Variants in CAMK1D observed in about 807,000 individuals in gnomAD.
The protein encoded by CAMK1D is calcium/calmodulin dependent protein kinase ID, also known as calcium/calmodulin-dependent protein kinase type 1D.
In CAMK1D, 9 loss-of-function variants were observed where a neutral mutation model predicts 47.7. The observed-to-expected ratio is 0.19, with a 90% confidence interval of 0.11 to 0.33. The LOEUF is 0.33. Ranked by LOEUF, CAMK1D falls within the 10% of genes least tolerant of loss-of-function variation. The pLI, the probability that CAMK1D is intolerant of heterozygous loss-of-function variation, is 1.00. For synonymous variants in CAMK1D, 184 were observed against 184.9 expected, an observed-to-expected ratio of 0.99 and a Z score of 0.04; for missense variants, 291 against 488.7, an observed-to-expected ratio of 0.60 and a Z score of 3.81.
At position 12,828,971 on chromosome 10, in the gene CAMK1D, C is replaced by A; in HGVS notation, c.*84C>A. 1 of 981,488 alleles carries A rather than the reference C, an allele frequency of 1.0e-6. No homozygotes were observed. Among genetic ancestry groups the A allele is most frequent in the Non-Finnish European group, 1.5e-6 (1 of 673,032 alleles). 60.8% of individuals were successfully genotyped at this position (981,488 alleles called of 1,614,324 possible). On this transcript the variant is annotated 3_prime_UTR_variant, in exon 11 of 11. Coordinates refer to ENST00000619168, the MANE Select transcript of CAMK1D (RefSeq NM_153498.4). ...AGAGCCGCGAGCCACTCCAGCGAGACCCCACCTTGCATGGTGCCCCTTCCT... is the reference window on the plus strand; with the variant it reads ...AGAGCCGCGAGCCACTCCAGCGAGAACCCACCTTGCATGGTGCCCCTTCCT...
chr10:12,692,725 A>C lies in CAMK1D; in HGVS notation c.299+25915A>C, dbSNP rs902914983. ...TTATTTTCATTAAAGTGTTCTTTAC[A>C]AATCAGTAAGGAAAGTATAAGGTAT... On this transcript the variant is annotated intron_variant, in intron 3 of 10. Transcript: ENST00000619168. 3.3e-5 allele frequency among the ~76,000 whole-genome samples: 5 copies of C among 152,348 alleles called. No homozygotes were observed. The East Asian group carries it at 9.6e-4, about 29-fold the overall frequency.
At chr10:12,559,276 C>T (rs1222852666) in intron 2 of CAMK1D, among the ~76,000 whole-genome samples, 2 of 151,918 alleles carry the variant, frequency 1.3e-5, no homozygotes, top group Admixed American at 1.3e-4. Context: ...ACTGAGACAC[C>T]ATCTCTAAAA....
At position 12,816,297 on chromosome 10, in the gene CAMK1D, T is replaced by C; in HGVS notation, c.802T>C (p.Tyr268His). Residue 268 changes from tyrosine to histidine, a missense_variant, in exon 8 of 11, where the codon TAC becomes CAC. By Grantham distance (83) the Tyr-to-His change is moderately conservative. Transcript: ENST00000619168. ...NLMEKDPNKRYTCEQAARHPW... is the reference protein window; with the variant it reads ...NLMEKDPNKRHTCEQAARHPW... Reference sequence around the variant, plus strand: ...GATGGAGAAGGACCCGAATAAAAGATACACGTGTGAGCAGGCAGCTCGGCA... The same window carrying C: ...GATGGAGAAGGACCCGAATAAAAGACACACGTGTGAGCAGGCAGCTCGGCA... 1 of 1,613,880 alleles carries C rather than the reference T, an allele frequency of 6.2e-7. No individual in the cohort carries two copies. Among genetic ancestry groups the C allele is most frequent in the Non-Finnish European group, 8.5e-7 (1 of 1,179,890 alleles).
At chr10:12,510,843 C>T (rs1219102606) in intron 1 of CAMK1D, among the ~76,000 whole-genome samples, 3 of 152,176 alleles carry the variant, frequency 2.0e-5, no homozygotes, top group Non-Finnish European at 2.9e-5. Flanking sequence ...GAATGCAGAT[C>T]GACAAGCCTG....
chr10:12,429,203 G>T (rs116289750), intron 1 of CAMK1D, among the ~76,000 whole-genome samples: 1 of 151,990 alleles, frequency 6.6e-6, no homozygotes, highest in Admixed American at 6.6e-5. Context: ...CCTCACACAC[G>T]TGCTTTCCTC....
At chr10:12,677,528 C>T (rs1264787140) in intron 3 of CAMK1D, among the ~76,000 whole-genome samples, 3 of 152,042 alleles carry the variant, frequency 2.0e-5, no homozygotes, top group Non-Finnish European at 2.9e-5. Flanking sequence ...AGGTTGCTTT[C>T]GTGAGGACAG....
At chr10:12,702,268 G>T (rs959222150) in intron 3 of CAMK1D, among the ~76,000 whole-genome samples, 1 of 152,182 alleles carries the variant, frequency 6.6e-6, no homozygotes, top group Non-Finnish European at 1.5e-5. Flanking sequence ...AAGCTCTGAG[G>T]TCAACCTCGA....
chr10:12,520,095 G>T (rs1207095951), intron 1 of CAMK1D, among the ~76,000 whole-genome samples: 1 of 83,780 alleles, frequency 1.2e-5, no homozygotes, highest in Non-Finnish European at 2.5e-5. Flanking sequence ...CCTCCCGGAC[G>T]GGGTGGCTGC....
At chr10:12,446,360 T>C (rs748404136) in intron 1 of CAMK1D, among the ~76,000 whole-genome samples, 4 of 152,204 alleles carry the variant, frequency 2.6e-5, no homozygotes, top group Non-Finnish European at 5.9e-5. Context: ...AACTTCCTGA[T>C]GTGGCCTTGG....
chr10:12,461,854 T>C (rs922269809), intron 1 of CAMK1D, among the ~76,000 whole-genome samples: 2 of 152,100 alleles, frequency 1.3e-5, no homozygotes, highest in Admixed American at 6.6e-5. Flanking sequence ...TTGCCACGTA[T>C]CTTTGGAGGA....
chr10:12,462,938 C>T (rs1425794566), intron 1 of CAMK1D, among the ~76,000 whole-genome samples: 1 of 152,132 alleles, frequency 6.6e-6, no homozygotes, highest in Non-Finnish European at 1.5e-5. Context: ...GCTTGCAGGG[C>T]AGAGCCTAGC....
chr10:12,731,305 G>A (rs1026948116), intron 3 of CAMK1D, among the ~76,000 whole-genome samples: 1 of 152,210 alleles, frequency 6.6e-6, no homozygotes, highest in Non-Finnish European at 1.5e-5. Flanking sequence ...TTCTGGTGGT[G>A]AAAGTCTGTG....
chr10:12,806,302 C>G (rs1298775344), intron 6 of CAMK1D, among the ~76,000 whole-genome samples: 3 of 152,330 alleles, frequency 2.0e-5, no homozygotes, highest in Non-Finnish European at 4.4e-5. Flanking sequence ...ACCGTCTGTT[C>G]CATGCCTGGG....
intron 1 of CAMK1D, among the ~76,000 whole-genome samples, chr10:12,399,224 C>T (rs746348602): frequency 1.3e-5 from 2 of 151,762 alleles, no homozygotes; most frequent in African/African-American, 2.4e-5. Flanking sequence ...AGTTGAGGGC[C>T]GGCTGGGCGT....
chr10:12,781,649 CTTTTTTTTTT>C (rs145484733), intron 5 of CAMK1D, among the ~76,000 whole-genome samples: 4 of 137,162 alleles, frequency 2.9e-5, no homozygotes, highest in Non-Finnish European at 3.1e-5. Context: ...TTTGGCGATA[CTTTTTTTTTT>C]TTTTTTTTTT....
chr10:12,772,781 G>C (rs957362327), intron 5 of CAMK1D, among the ~76,000 whole-genome samples: 1 of 152,186 alleles, frequency 6.6e-6, no homozygotes, highest in Non-Finnish European at 1.5e-5. Flanking sequence ...TAGCAGTGGC[G>C]TTCTTCTATT....
rs568529780 is a variant in CAMK1D at position 12,649,777 on chromosome 10, G to A, written c.225-16959G>A. On this transcript the variant is annotated intron_variant, in intron 2 of 10. Coordinates refer to ENST00000619168, the MANE Select transcript of CAMK1D (RefSeq NM_153498.4). ...TCCTAACTCCAACTCATTCTCCAAG[G>A]AAATCTCGACATTTACACTCTGGTC... is the stretch of plus-strand genomic sequence containing the variant. Among the ~76,000 whole-genome samples the A allele has an allele frequency of 2.6e-5, 4 of 152,240 alleles. No homozygotes were observed. The East Asian group carries it at 7.7e-4, about 29-fold the overall frequency.
intron 5 of CAMK1D, among the ~76,000 whole-genome samples, chr10:12,779,382 C>T: frequency 6.6e-6 from 1 of 152,172 alleles, no homozygotes; most frequent in East Asian, 1.9e-4. Context: ...ACGTAATTGA[C>T]AAGACAGATG....
intron 1 of CAMK1D, among the ~76,000 whole-genome samples, chr10:12,552,323 A>G (rs1405440338): frequency 1.3e-5 from 2 of 152,182 alleles, no homozygotes; most frequent in African/African-American, 4.8e-5. Context: ...TCTTTGGTTT[A>G]AAAAGGATAC....
Sources: allele counts gnomAD v4.1 joint callset (sites outside exome capture counted in the v4.1 genomes callset), GRCh38; gene constraint gnomAD v4.1.1; transcripts MANE v1.5; gene names NCBI Gene and HGNC (gene_info 2026-07-23, HGNC 2026-07-21).